The following CBR4 variants were observed in gnomAD, a reference collection of about 807,000 sequenced individuals.
CBR4 encodes the protein carbonyl reductase 4.
A neutral mutation model predicts 21.0 loss-of-function variants in CBR4; 22 were observed. That is an observed-to-expected ratio of 1.05 (90% CI 0.75 to 1.50). The LOEUF is 1.50. CBR4 is among the 40% of genes most tolerant of loss of function. CBR4 has a pLI of 0.00. For synonymous variants in CBR4, 100 were observed against 104.4 expected (o/e 0.96, Z 0.26); for missense variants, 302 against 286.3 (o/e 1.05, Z -0.40).
At chr4:168,986,257 G>A (rs1264177964), downstream of CBR4, among the ~76,000 whole-genome samples, 1 of 152,058 alleles carries the variant, frequency 6.6e-6, no homozygotes, top group Non-Finnish European at 1.5e-5. Context: ...TTTATGTAAG[G>A]GACTTGAGCA....
intron 2 of CBR4, chr4:168,904,029 C>A: frequency 1.1e-6 from 1 of 940,870 alleles, no homozygotes; most frequent in African/African-American, 1.6e-5. Context: ...ACTATTTTTC[C>A]AAATTCTACA....
At chr4:168,899,937 G>C (rs1054605964) in intron 2 of CBR4, among the ~76,000 whole-genome samples, 2 of 151,382 alleles carry the variant, frequency 1.3e-5, no homozygotes, top group African/African-American at 4.9e-5. Flanking sequence ...AAAAAGAAAA[G>C]AAAATAGGCT....
intron 2 of CBR4, among the ~76,000 whole-genome samples, chr4:168,958,171 G>C (rs1229363918): frequency 6.6e-6 from 1 of 152,024 alleles, no homozygotes; most frequent in African/African-American, 2.4e-5. Flanking sequence ...GGCTGAGACA[G>C]GAGAATTGCT....
intron 2 of CBR4, chr4:168,913,801 T>C: frequency 1.4e-6 from 1 of 737,666 alleles, no homozygotes; most frequent in East Asian, 2.7e-5. Flanking sequence ...GGTTAGTCAT[T>C]ACTCAAATGG....
chr4:168,941,382 C>T (rs1025380835), intron 2 of CBR4, among the ~76,000 whole-genome samples: 1 of 151,968 alleles, frequency 6.6e-6, no homozygotes, highest in Non-Finnish European at 1.5e-5. Context: ...CCCAAGGATA[C>T]AAAGATGGTT....
In CBR4 at chr4:168,928,775, G is replaced by A. The variant is rs375421186; in HGVS notation, n.170-34010C>T. Among the ~76,000 whole-genome samples the A allele has an allele frequency of 4.5e-4, 69 of 152,234 alleles. No homozygotes were observed. In the South Asian group the frequency reaches 0.012, roughly 27 times the overall value. On this transcript the variant is annotated intron_variant and non_coding_transcript_variant, in intron 2 of 3. Transcript: ENST00000509108. ...GCCTGTATTCCTTGCCATGTAGCCC[G>A]CTCCATCTTCAGGGTTAGTGGTGAG...
intron 2 of CBR4, among the ~76,000 whole-genome samples, chr4:168,963,470 CTTTT>C (rs398064262): frequency 2.9e-5 from 4 of 137,522 alleles, no homozygotes; most frequent in Admixed American, 7.4e-5. Flanking sequence ...CTGTATAAAT[CTTTT>C]TTTTTTTTTT....
rs956560707 is a variant in CBR4, at chr4:168,926,113, G to A, written n.170-31348C>T. 4.1e-6 allele frequency: 4 copies of A among 973,354 alleles called. No homozygotes were observed. The East Asian group carries it at 1.1e-4, about 26-fold the overall frequency. 60.3% of individuals were successfully genotyped at this position (973,354 alleles called of 1,614,324 possible). On this transcript the variant is annotated intron_variant and non_coding_transcript_variant, in intron 2 of 3. Transcript: ENST00000509108. ...GTTTCTACCATGGATGTGTTCAGGTGCCTTGCATCTATCTAGACATTCTGT... is the reference window on the plus strand; with the variant it reads ...GTTTCTACCATGGATGTGTTCAGGTACCTTGCATCTATCTAGACATTCTGT...
chr4:168,896,401 G>A (rs1330342467), intron 2 of CBR4: 9 of 629,686 alleles, frequency 1.4e-5, no homozygotes, highest in Non-Finnish European at 2.6e-5. Context: ...AAAGTGAGAA[G>A]CAGAATGGTT....
chr4:168,984,255 T>C (rs1764621843), downstream of CBR4, among the ~76,000 whole-genome samples: 1 of 152,000 alleles, frequency 6.6e-6, no homozygotes, highest in East Asian at 1.9e-4. Flanking sequence ...TATTTATCTA[T>C]ACAAATAATA....
chr4:168,994,353 C>A (rs552103956), intron 4 of CBR4, among the ~76,000 whole-genome samples: 1 of 152,150 alleles, frequency 6.6e-6, no homozygotes, highest in South Asian at 2.1e-4. Flanking sequence ...GCCCTCATTC[C>A]GGTAAACCCA....
At position 168,915,142 on chromosome 4, in the gene CBR4, T is replaced by G. The variant is rs141828557; in HGVS notation, n.170-20377A>C. Among the ~76,000 whole-genome samples the G allele has an allele frequency of 4.8e-3, 733 of 152,376 alleles. 6 individuals are homozygous for G. The highest frequency in any genetic ancestry group is 5.5e-3 in the Admixed American group (84 of 15,308). On this transcript the variant is annotated intron_variant and non_coding_transcript_variant, in intron 2 of 3. Transcript: ENST00000509108. Reference sequence around the variant, plus strand: ...AGAAGGGTAAACTATATTAAAAAGCTAATAATTATTAGCCTAGTATGCTTC... The same window carrying G: ...AGAAGGGTAAACTATATTAAAAAGCGAATAATTATTAGCCTAGTATGCTTC...
chr4:168,982,582 T>C (rs1044943771), intron 2 of CBR4, among the ~76,000 whole-genome samples: 1 of 152,114 alleles, frequency 6.6e-6, no homozygotes, highest in African/African-American at 2.4e-5. Flanking sequence ...AACAAACATC[T>C]ACAGAACACT....
At chr4:168,899,386 A>G (rs1755953352) in intron 2 of CBR4, among the ~76,000 whole-genome samples, 1 of 152,138 alleles carries the variant, frequency 6.6e-6, no homozygotes. Flanking sequence ...CTAGAGCTTG[A>G]GTGAAAAGAA....
At position 168,989,137 on chromosome 4, in the gene CBR4, C is replaced by T; in HGVS notation, c.*1013G>A. The T allele has an allele frequency of 1.0e-6, 1 of 968,532 alleles. No homozygotes were observed. Among genetic ancestry groups the T allele is most frequent in the African/African-American group, 1.8e-5 (1 of 56,984 alleles). The allele number at this position is 968,532 out of a possible 1,614,324, so 60.0% of individuals were successfully genotyped here. ...ATTGCATATTTATTTATTTTTTATG[C>T]TTATTCATACAGAATTTATTACTTT... On this transcript the variant is annotated 3_prime_UTR_variant, in exon 5 of 5. Transcript: ENST00000306193.
At chr4:168,922,994 ATGGGAATATAATGCC>A (rs1347096513) in intron 2 of CBR4, among the ~76,000 whole-genome samples, 2 of 152,226 alleles carry the variant, frequency 1.3e-5, no homozygotes, top group East Asian at 3.8e-4. Flanking sequence ...CATATATAAA[ATGGGAATATAATGCC>A]TCACAGTGCT....
At chr4:168,915,799 T>C (rs933136859) in intron 2 of CBR4, 2 of 930,654 alleles carry the variant, frequency 2.1e-6, no homozygotes, top group South Asian at 1.4e-5. Flanking sequence ...GGAAATCATA[T>C]TATTACCCCA....
At chr4:168,927,250 A>T (rs1299894971) in intron 2 of CBR4, 3 of 231,048 alleles carry the variant, frequency 1.3e-5, no homozygotes, top group African/African-American at 6.6e-5. Flanking sequence ...GCATGATTAT[A>T]GTGTGTTCAT....
At chr4:169,000,011 GTTA>G (rs753636687) in intron 4 of CBR4, among the ~76,000 whole-genome samples, 2 of 152,204 alleles carry the variant, frequency 1.3e-5, no homozygotes, top group East Asian at 3.8e-4. Context: ...TGCTGCATGA[GTTA>G]TTGTTAGCTA....
Sources: allele counts gnomAD v4.1 joint callset (sites outside exome capture counted in the v4.1 genomes callset), GRCh38; gene constraint gnomAD v4.1.1; transcripts MANE v1.5; gene names NCBI Gene and HGNC (gene_info 2026-07-23, HGNC 2026-07-21).